RMND1: variants seen among roughly 807,000 people sequenced by gnomAD.
RMND1 encodes required for meiotic nuclear division protein 1 homolog.
RMND1 carries 41 observed loss-of-function variants against 54.0 expected under a neutral mutation model. The observed-to-expected ratio is 0.76, with a 90% CI of 0.59 to 0.98. The LOEUF (loss-of-function observed/expected upper bound fraction) is 0.98, where lower values mean the gene tolerates loss of function less well. Among genes scored for constraint, RMND1 ranks in the 50% least tolerant of loss-of-function variants. RMND1 has a pLI of 0.00. For missense variants in RMND1, 457 were observed against 532.0 expected (o/e 0.86, Z 1.39); for synonymous variants, 183 against 181.7 (o/e 1.01, Z -0.06).
chr6:151,427,400 T>C lies in RMND1; in HGVS notation c.830+82A>G. 5.2e-6 allele frequency: 4 copies of C among 772,242 alleles called. No individual in the cohort carries two copies. The South Asian group carries it at 6.5e-5, about 13-fold the overall frequency. 47.8% of individuals were successfully genotyped at this position (772,242 alleles called of 1,614,324 possible). A position where few individuals can be genotyped will look rare whatever the true frequency, so the allele number is the denominator to read the frequency against. Reference sequence around the variant, plus strand: ...CAAAAAAAAAAAAAAAGTTTCCATATGCATAATAATTTGTCTCCTCTATTG... The same window carrying C: ...CAAAAAAAAAAAAAAAGTTTCCATACGCATAATAATTTGTCTCCTCTATTG... On this transcript the variant is annotated intron_variant, in intron 6 of 11. Coordinates refer to ENST00000444024, the MANE Select transcript of RMND1 (RefSeq NM_017909.4).
At chr6:151,406,640 G>A (rs1425999417) in intron 10 of RMND1, among the ~76,000 whole-genome samples, 4 of 152,110 alleles carry the variant, frequency 2.6e-5, no homozygotes, top group Admixed American at 6.6e-5. Context: ...GTGAGCCACC[G>A]TGCCAGGCCT....
intron 3 of RMND1, chr6:151,436,107 A>C: frequency 5.4e-6 from 1 of 184,286 alleles, no homozygotes; most frequent in South Asian, 7.6e-5. Context: ...CTCCATCCCA[A>C]AAAACAAAAA....
intron 1 of RMND1, among the ~76,000 whole-genome samples, 189 bp downstream of exon 1, chr6:151,451,827 A>T (rs1288549789): frequency 6.6e-6 from 1 of 152,096 alleles, no homozygotes; most frequent in Non-Finnish European, 1.5e-5. Context: ...GCACTGGCTC[A>T]AAAAAAGGGT....
chr6:151,412,553 A>AT (rs1316857253), intron 10 of RMND1, among the ~76,000 whole-genome samples: 4 of 152,140 alleles, frequency 2.6e-5, no homozygotes, highest in Non-Finnish European at 5.9e-5. Flanking sequence ...TCTCTTCCTG[A>AT]CAGTCTCTCT....
At chr6:151,445,179 G>A (rs1284101793) in intron 2 of RMND1, 129 bp downstream of exon 2, 1 of 882,624 alleles carries the variant, frequency 1.1e-6, no homozygotes, top group South Asian at 2.2e-5. Context: ...AGGCTTCAAA[G>A]ACCTTGATGA....
chr6:151,433,949 GC>G (rs1323930953), intron 3 of RMND1, among the ~76,000 whole-genome samples: 1 of 45,072 alleles, frequency 2.2e-5, no homozygotes. Context: ...ACCCCCCCCC[GC>G]CCCACCCACC....
At chr6:151,430,017 C>T in intron 5 of RMND1, 121 bp downstream of exon 5, 1 of 646,582 alleles carries the variant, frequency 1.5e-6, no homozygotes, top group Non-Finnish European at 2.8e-6. Flanking sequence ...TCATGTAATG[C>T]AGAGCAAATA....
At chr6:151,445,269 G>A (rs1562800864) in intron 2 of RMND1, 39 bp downstream of exon 2, 4 of 1,564,034 alleles carry the variant, frequency 2.6e-6, no homozygotes, top group Non-Finnish European at 1.7e-6. Flanking sequence ...CATGAGCAAT[G>A]ATCACTAAGC....
intron 1 of RMND1, among the ~76,000 whole-genome samples, chr6:151,451,691 A>G (rs1279527401): frequency 1.3e-5 from 2 of 152,188 alleles, no homozygotes; most frequent in African/African-American, 4.8e-5. Flanking sequence ...GAACAATTAC[A>G]CCAATTAAGA....
At chr6:151,447,211 A>T (rs1001945988) in intron 1 of RMND1, among the ~76,000 whole-genome samples, 6 of 152,242 alleles carry the variant, frequency 3.9e-5, no homozygotes, top group African/African-American at 1.4e-4. Context: ...AAGGACCAAA[A>T]GAGCCGATGG....
intron 10 of RMND1, among the ~76,000 whole-genome samples, chr6:151,410,171 C>T (rs906564726): frequency 6.6e-6 from 1 of 151,930 alleles, no homozygotes; most frequent in African/African-American, 2.4e-5. Context: ...TCTCCTGCCT[C>T]AGCCTCCCGA....
intron 1 of RMND1, among the ~76,000 whole-genome samples, chr6:151,447,591 G>C (rs2114974368): frequency 6.6e-6 from 1 of 152,262 alleles, no homozygotes; most frequent in African/African-American, 2.4e-5. Flanking sequence ...TAAGGACAAA[G>C]ATGATTCACA....
chr6:151,441,676 G>C (rs1780778910), intron 2 of RMND1, among the ~76,000 whole-genome samples: 1 of 152,162 alleles, frequency 6.6e-6, no homozygotes, highest in Non-Finnish European at 1.5e-5. Context: ...CTCCTGGGTT[G>C]ATCAATGCAT....
At chr6:151,423,687 C>A in intron 6 of RMND1, 56 bp from the exon 7 acceptor site, 2 of 1,229,006 alleles carry the variant, frequency 1.6e-6, no homozygotes, top group Non-Finnish European at 2.4e-6. Flanking sequence ...TTTAACTTTT[C>A]CTTTGAAAAA....
intron 10 of RMND1, 116 bp downstream of exon 10, chr6:151,417,163 A>C (rs1159381086): frequency 8.5e-7 from 1 of 1,171,146 alleles, no homozygotes; most frequent in Non-Finnish European, 1.2e-6. Context: ...AGAAGGGGAA[A>C]TATAAAGAGA....
At chr6:151,432,749 G>A (rs1039694521) in intron 4 of RMND1, among the ~76,000 whole-genome samples, 1 of 152,086 alleles carries the variant, frequency 6.6e-6, no homozygotes, top group African/African-American at 2.4e-5. Context: ...ACTTTAAAGA[G>A]CTACCAAAGG....
chr6:151,450,218 G>A (rs1201873229), intron 1 of RMND1, among the ~76,000 whole-genome samples: 7 of 151,372 alleles, frequency 4.6e-5, no homozygotes, highest in African/African-American at 7.3e-5. Context: ...GTCTCTGCCC[G>A]GCCGCCCATC....
rs752198825 is a variant in RMND1, at chr6:151,445,653, G to A, written c.159C>T (p.Phe53=). The A allele has an allele frequency of 5.6e-6, 9 of 1,614,028 alleles. No homozygotes were observed. The highest frequency in any genetic ancestry group is 7.6e-6 in the Non-Finnish European group (9 of 1,180,028). Residue 53 remains phenylalanine (F), a synonymous_variant, in exon 2 of 12, where the codon TTC becomes TTT. Transcript: ENST00000444024. ...AACCACTAGCTGTTTTATCAGGAAGGAACAAATCCAAGCTTTGACGTATTG... is the reference window on the plus strand; with the variant it reads ...AACCACTAGCTGTTTTATCAGGAAGAAACAAATCCAAGCTTTGACGTATTG... ...TLTIRQSLDL[F]LPDKTASGLN... is the part of the protein sequence containing the mutation.
At chr6:151,414,019 C>T (rs923314430) in intron 10 of RMND1, 1 of 152,160 alleles carries the variant, frequency 6.6e-6, no homozygotes, top group Non-Finnish European at 1.5e-5. Context: ...TAAAGTGGAA[C>T]ATAGCATTCA....
Sources: allele counts gnomAD v4.1 joint callset (sites outside exome capture counted in the v4.1 genomes callset), GRCh38; gene constraint gnomAD v4.1.1; transcripts MANE v1.5; gene names NCBI Gene and HGNC (gene_info 2026-07-23, HGNC 2026-07-21).